Variants in LRP1B observed in about 807,000 individuals in gnomAD.
LRP1B encodes low-density lipoprotein receptor-related protein 1B.
In LRP1B, 217 loss-of-function variants were observed where a neutral mutation model predicts 556.6. That is an observed-to-expected ratio of 0.39 (90% CI 0.35 to 0.44). The LOEUF (loss-of-function observed/expected upper bound fraction) is 0.44. Among genes scored for constraint, LRP1B ranks in the 20% least tolerant of loss-of-function variants. LRP1B has a pLI of 1.00. For synonymous variants in LRP1B, 2,047 were observed against 1,865.8 expected (o/e 1.10, Z -2.50); for missense variants, 5,053 against 5,620.8 (o/e 0.90, Z 3.23).
At chr2:141,209,802 TCA>T (rs1235903843) in intron 6 of LRP1B, among the ~76,000 whole-genome samples, 1 of 151,942 alleles carries the variant, frequency 6.6e-6, no homozygotes, top group Non-Finnish European at 1.5e-5. Context: ...GCCCTCAAAC[TCA>T]CAGACACAGA....
At chr2:141,742,947 T>C (rs913808206) in intron 2 of LRP1B, among the ~76,000 whole-genome samples, 2 of 152,158 alleles carry the variant, frequency 1.3e-5, no homozygotes, top group African/African-American at 4.8e-5. Context: ...GATTTTTGTA[T>C]GTTGATTTTG....
chr2:140,748,271 TTAATA>T (rs986842714), intron 35 of LRP1B, among the ~76,000 whole-genome samples: 7 of 127,322 alleles, frequency 5.5e-5, no homozygotes, highest in Admixed American at 1.7e-4. Flanking sequence ...ATTTTCATAT[TTAATA>T]TATGTTCATA....
chr2:140,610,525 C>A (rs486661), intron 41 of LRP1B, among the ~76,000 whole-genome samples: 110,817 of 152,166 alleles, frequency 0.73, 40,455 homozygotes, highest in South Asian at 0.76. Context: ...GAATCCCCGC[C>A]CTACCACTTT....
At chr2:140,521,608 C>T (rs1690178272) in intron 49 of LRP1B, among the ~76,000 whole-genome samples, 1 of 151,906 alleles carries the variant, frequency 6.6e-6, no homozygotes, top group East Asian at 1.9e-4. Context: ...CCCATGAACC[C>T]TACAAAGCAA....
chr2:141,421,847 C>A (rs1680156292), intron 3 of LRP1B, among the ~76,000 whole-genome samples: 2 of 152,170 alleles, frequency 1.3e-5, no homozygotes, highest in African/African-American at 4.8e-5. Context: ...TTTTTAAGAT[C>A]CACATTAAAT....
chr2:141,835,330 A>G (rs1297295638), intron 1 of LRP1B, among the ~76,000 whole-genome samples: 2 of 151,994 alleles, frequency 1.3e-5, no homozygotes, highest in East Asian at 3.9e-4. Context: ...TCACTGGTAA[A>G]TCACATCATC....
intron 41 of LRP1B, among the ~76,000 whole-genome samples, chr2:140,637,082 A>G (rs13035521): frequency 0.073 from 11,180 of 152,274 alleles, 524 homozygotes; most frequent in East Asian, 0.18. Context: ...TTAATAAACA[A>G]CTACAAAGTT....
chr2:140,320,470 C>A lies in LRP1B; in HGVS notation c.12640+1493G>T, dbSNP rs565296207. On this transcript the variant is annotated intron_variant, in intron 82 of 90. Coordinates refer to ENST00000389484, the MANE Select transcript of LRP1B (RefSeq NM_018557.3). The stretch of plus-strand genomic sequence containing the variant: ...TGTGAGGGTAAGGACCCAGAGTCCA[C>A]GTGAGGAGTGCATTCTAGCAGAGGG... 7.9e-5 allele frequency among the ~76,000 whole-genome samples: 12 copies of A among 152,122 alleles called. No homozygotes were observed. The South Asian group carries it at 2.3e-3, about 29-fold the overall frequency.
At chr2:141,528,572 A>G (rs1009040751) in intron 2 of LRP1B, among the ~76,000 whole-genome samples, 1 of 152,160 alleles carries the variant, frequency 6.6e-6, no homozygotes, top group Non-Finnish European at 1.5e-5. Context: ...GCATATGAAA[A>G]TATATACACA....
chr2:140,285,222 T>C (rs1683093634), intron 84 of LRP1B, among the ~76,000 whole-genome samples: 1 of 150,538 alleles, frequency 6.6e-6, no homozygotes, highest in East Asian at 2.0e-4. Context: ...GATAGAGATA[T>C]AGATAGGTAT....
chr2:140,737,385 A>T (rs1349678676), intron 35 of LRP1B, among the ~76,000 whole-genome samples: 1 of 152,174 alleles, frequency 6.6e-6, no homozygotes, highest in South Asian at 2.1e-4. Context: ...AAGCATCATC[A>T]TTGACCCCTA....
intron 31 of LRP1B, among the ~76,000 whole-genome samples, chr2:140,838,503 T>C (rs1319518919): frequency 2.0e-5 from 3 of 152,258 alleles, no homozygotes; most frequent in East Asian, 3.9e-4. Flanking sequence ...ATAGACCACA[T>C]GAAAAGAATT....
chr2:140,896,472 T>C (rs181285694), intron 23 of LRP1B, among the ~76,000 whole-genome samples: 10 of 152,232 alleles, frequency 6.6e-5, no homozygotes, highest in Admixed American at 3.3e-4. Context: ...AAAAAAGGAA[T>C]GGAACAATCA....
chr2:140,248,262 C>T (rs1681254541), intron 86 of LRP1B, among the ~76,000 whole-genome samples: 2 of 151,394 alleles, frequency 1.3e-5, no homozygotes, highest in Admixed American at 6.6e-5. Context: ...TTATTACTGA[C>T]AAAGTCAAAT....
At chr2:141,695,833 C>T (rs1691717816) in intron 2 of LRP1B, among the ~76,000 whole-genome samples, 1 of 151,884 alleles carries the variant, frequency 6.6e-6, no homozygotes, top group South Asian at 2.1e-4. Context: ...TCAAATTCTA[C>T]CAGAAAACTA....
At chr2:140,360,353 T>A (rs1682449659) in intron 72 of LRP1B, among the ~76,000 whole-genome samples, 1 of 151,532 alleles carries the variant, frequency 6.6e-6, no homozygotes, top group Non-Finnish European at 1.5e-5. Flanking sequence ...ATATACTCCC[T>A]CCTCTTTAGG....
chr2:140,445,089 G>A (rs1252540641), intron 63 of LRP1B, among the ~76,000 whole-genome samples: 2 of 151,900 alleles, frequency 1.3e-5, no homozygotes, highest in Non-Finnish European at 1.5e-5. Context: ...TGGTGTGTAT[G>A]ATTTGTCCAC....
chr2:141,257,841 C>G (rs642332), intron 3 of LRP1B, among the ~76,000 whole-genome samples: 34,590 of 152,110 alleles, frequency 0.23, 4,053 homozygotes, highest in Admixed American at 0.28. Context: ...GAAAGCAATA[C>G]TAATTATTAG....
chr2:140,606,366 C>T (rs887488095), intron 41 of LRP1B, among the ~76,000 whole-genome samples: 1 of 151,596 alleles, frequency 6.6e-6, no homozygotes, highest in South Asian at 2.1e-4. Flanking sequence ...TTGAAAGAAG[C>T]TAAGGATTTT....
Sources: allele counts gnomAD v4.1 joint callset (sites outside exome capture counted in the v4.1 genomes callset), GRCh38; gene constraint gnomAD v4.1.1; transcripts MANE v1.5; gene names NCBI Gene and HGNC (gene_info 2026-07-23, HGNC 2026-07-21).